The following ANKHD1 variants were observed in gnomAD, a reference collection of about 807,000 sequenced individuals.
ANKHD1 encodes ankyrin repeat and KH domain-containing protein 1.
In ANKHD1, 31 loss-of-function variants were observed where a neutral mutation model predicts 230.5. The ratio of observed to expected loss-of-function variants is 0.13; its 90% CI spans 0.10 to 0.18. The LOEUF is 0.18. Ranked by LOEUF, ANKHD1 falls within the 10% of genes least tolerant of loss-of-function variation. ANKHD1 has a pLI of 1.00. For synonymous variants in ANKHD1, 1,074 were observed against 1,117.6 expected (o/e 0.96, Z 0.78); for missense variants, 2,256 against 3,071.3 (o/e 0.73, Z 6.27).
chr5:140,447,159 T>C (rs896479371), intron 6 of ANKHD1, among the ~76,000 whole-genome samples: 4 of 152,150 alleles, frequency 2.6e-5, no homozygotes, highest in Admixed American at 1.3e-4. Context: ...TGCCTTGGCC[T>C]CCTAAAGTGC....
At chr5:140,414,963 GTCATT>G (rs1463679336) in intron 1 of ANKHD1, among the ~76,000 whole-genome samples, 3 of 152,052 alleles carry the variant, frequency 2.0e-5, no homozygotes, top group African/African-American at 7.2e-5. Context: ...TCTGTAGCTT[GTCATT>G]TCATTCTGTT....
At chr5:140,445,161 G>GA (rs1435579463) in intron 5 of ANKHD1, among the ~76,000 whole-genome samples, 5 of 151,326 alleles carry the variant, frequency 3.3e-5, no homozygotes, top group Non-Finnish European at 7.4e-5. Context: ...CACCTGGCCA[G>GA]AAAATCTCTT....
chr5:140,457,976 T>C (rs1341712048), intron 7 of ANKHD1, among the ~76,000 whole-genome samples: 1 of 152,202 alleles, frequency 6.6e-6, no homozygotes, highest in Admixed American at 6.5e-5. Context: ...TTACTGTCTA[T>C]GCAGATAGGC....
At chr5:140,496,438 G>GTTTTC (rs1752040369) in intron 14 of ANKHD1, 82 bp from the exon 15 acceptor site, 1 of 1,159,168 alleles carries the variant, frequency 8.6e-7, no homozygotes, top group African/African-American at 1.7e-5. Flanking sequence ...GGGGAGGCTG[G>GTTTTC]TTTTCTTTTT....
In ANKHD1 at chr5:140,528,255, T is replaced by C; in HGVS notation, c.5309T>C (p.Leu1770Pro). 1 of 1,613,696 alleles carries C rather than the reference T, an allele frequency of 6.2e-7. No homozygotes were observed. The highest frequency in any genetic ancestry group is 8.5e-7 in the Non-Finnish European group (1 of 1,179,954). Residue 1770 changes from leucine to proline, a missense_variant, in exon 29 of 34, where the codon CTG becomes CCG. Leu to Pro is a moderately conservative substitution (Grantham distance 98, BLOSUM62 -3). Coordinates refer to ENST00000360839, the MANE Select transcript of ANKHD1 (RefSeq NM_017747.3). ...NALIQDPAKE[L>P]EDLIPKNHIR... The stretch of plus-strand genomic sequence containing the variant: ...CTCATTCAAGATCCTGCTAAGGAAC[T>C]GGAAGACTTGATTCCTAAAAATCAT...
chr5:140,456,304 C>G (rs544262962), intron 7 of ANKHD1, among the ~76,000 whole-genome samples: 6 of 152,296 alleles, frequency 3.9e-5, no homozygotes, highest in African/African-American at 7.2e-5. Context: ...TTTATAGATT[C>G]AATGCCATCC....
At chr5:140,464,461 C>T (rs1176579891) in intron 9 of ANKHD1, among the ~76,000 whole-genome samples, 1 of 152,118 alleles carries the variant, frequency 6.6e-6, no homozygotes. Flanking sequence ...GGGCAAATTA[C>T]TGTGTTTTAA....
intron 10 of ANKHD1, among the ~76,000 whole-genome samples, chr5:140,477,547 C>T (rs1249119026): frequency 6.6e-6 from 1 of 152,128 alleles, no homozygotes; most frequent in Non-Finnish European, 1.5e-5. Context: ...ATCTCTCTTG[C>T]CTTAAAATTA....
At chr5:140,470,446 T>G (rs1561771718) in intron 10 of ANKHD1, among the ~76,000 whole-genome samples, 1 of 151,808 alleles carries the variant, frequency 6.6e-6, no homozygotes, top group Non-Finnish European at 1.5e-5. Context: ...TCTATTCTGT[T>G]AACGTCCTTC....
chr5:140,538,174 G>C lies in ANKHD1; in HGVS notation c.7317G>C (p.Gln2439His), dbSNP rs753401177. 4 of 1,614,116 alleles carry C rather than the reference G, an allele frequency of 2.5e-6. No individual in the cohort carries two copies. The South Asian group carries it at 4.4e-5, about 18-fold the overall frequency. ...ACCCAAGCACATTCTCCCAACATCA[G>C]CCAATGGAGAGAGATGATTCTGGAA... ...LSDPSTFSQH[Q>H]PMERDDSGMV... The change falls in exon 32 of 34, where the codon CAG becomes CAC. Residue 2439 changes from glutamine (Q) to histidine (H), a missense_variant. By Grantham distance (24) the Gln-to-His change is conservative (BLOSUM62 0). Around this residue, in one of 13 missense-constraint regions of ANKHD1, gnomAD observed 778 missense variants for 966.5 expected, o/e 0.80. Coordinates refer to ENST00000360839, the MANE Select transcript of ANKHD1 (RefSeq NM_017747.3).
intron 10 of ANKHD1, among the ~76,000 whole-genome samples, chr5:140,473,412 A>T (rs1330524913): frequency 6.6e-6 from 1 of 151,560 alleles, no homozygotes; most frequent in Non-Finnish European, 1.5e-5. Flanking sequence ...AAGCTGTTTT[A>T]TTTATTCTGT....
chr5:140,418,044 G>A lies in ANKHD1; in HGVS notation c.306+15771G>A, dbSNP rs548138242. Among the ~76,000 whole-genome samples, 16 of 150,114 alleles carry A rather than the reference G, an allele frequency of 1.1e-4. No homozygotes were observed. In the East Asian group the frequency reaches 2.6e-3, roughly 24 times the overall value. ...TTTAGTAGAGATGGGGTTTCACCAT[G>A]TTGTCCAGGCCAGTCTCAAACTCCC... On this transcript the variant is annotated intron_variant, in intron 1 of 33. Transcript: ENST00000360839.
At chr5:140,429,975 G>A (rs565873818) in intron 1 of ANKHD1, among the ~76,000 whole-genome samples, 2 of 152,256 alleles carry the variant, frequency 1.3e-5, no homozygotes, top group East Asian at 3.9e-4. Context: ...ATCTCTCTTG[G>A]TAACTGTTGC....
chr5:140,533,187 C>T (rs1753912840), intron 29 of ANKHD1, among the ~76,000 whole-genome samples: 1 of 151,990 alleles, frequency 6.6e-6, no homozygotes, highest in African/African-American at 2.4e-5. Context: ...GTGGCTCACA[C>T]CTGTAATTTG....
intron 1 of ANKHD1, among the ~76,000 whole-genome samples, chr5:140,426,932 G>A (rs975386602): frequency 1.9e-4 from 29 of 152,266 alleles, no homozygotes; most frequent in Non-Finnish European, 4.3e-4. Flanking sequence ...ACACAGACAC[G>A]GCAACCATCC....
intron 10 of ANKHD1, among the ~76,000 whole-genome samples, chr5:140,482,080 A>T (rs1241184542): frequency 6.7e-6 from 1 of 150,254 alleles, no homozygotes; most frequent in Non-Finnish European, 1.5e-5. Context: ...ATTTCTACTT[A>T]AAAAAAAACT....
At chr5:140,402,964 CTTTTTTTTTT>C (rs56939861) in intron 1 of ANKHD1, among the ~76,000 whole-genome samples, 3 of 73,944 alleles carry the variant, frequency 4.1e-5, no homozygotes, top group African/African-American at 1.6e-4. Flanking sequence ...GAAACCTCTT[CTTTTTTTTTT>C]TTTTTTTTTT....
chr5:140,536,082 G>T (rs1177368793), intron 30 of ANKHD1, among the ~76,000 whole-genome samples: 1 of 151,720 alleles, frequency 6.6e-6, no homozygotes, highest in African/African-American at 2.4e-5. Context: ...ATATTCCTTT[G>T]TTCTATTGAT....
At chr5:140,417,459 A>G (rs1029925551) in intron 1 of ANKHD1, among the ~76,000 whole-genome samples, 2 of 151,870 alleles carry the variant, frequency 1.3e-5, no homozygotes, top group Admixed American at 1.3e-4. Context: ...TAATTTAATT[A>G]ATAATTAATT....
Sources: allele counts gnomAD v4.1 joint callset (sites outside exome capture counted in the v4.1 genomes callset), GRCh38; gene constraint gnomAD v4.1.1; regional missense constraint gnomAD v4.1.1; transcripts MANE v1.5; gene names NCBI Gene and HGNC (gene_info 2026-07-23, HGNC 2026-07-21).